Variants in TXNRD3 observed in about 807,000 individuals in gnomAD.
The protein encoded by TXNRD3 is thioredoxin reductase 3, also known as TXNRD3 neighbor gene protein.
A neutral mutation model predicts 78.2 loss-of-function variants in TXNRD3; 68 were observed. The ratio of observed to expected loss-of-function variants is 0.87; its 90% CI spans 0.72 to 1.06. The LOEUF (loss-of-function observed/expected upper bound fraction) is 1.06, where lower values mean the gene tolerates loss of function less well. Among genes scored for constraint, TXNRD3 ranks in the 50% least tolerant of loss-of-function variants. The probability of loss-of-function intolerance (pLI) is 0.00; values close to 1 mark genes in which losing one functional copy is unlikely to be tolerated. For missense variants in TXNRD3, 751 were observed against 809.5 expected (o/e 0.93, Z 0.88); for synonymous variants, 296 against 300.1 (o/e 0.99, Z 0.14).
At position 126,654,776 on chromosome 3, in the gene TXNRD3, C is replaced by T. The variant is rs570365529; in HGVS notation, c.215G>A (p.Ser72Asn). 200 of 1,427,522 alleles carry T rather than the reference C, an allele frequency of 1.4e-4. No individual in the cohort carries two copies. In the African/African-American group the frequency reaches 2.6e-3, roughly 19 times the overall value. 88.4% of individuals were successfully genotyped at this position (1,427,522 alleles called of 1,614,324 possible). The change falls in exon 1 of 16, where the codon AGC (serine) becomes AAC (asparagine). Residue 72 changes from serine to asparagine, a missense_variant. Ser to Asn is a conservative substitution (Grantham distance 46, BLOSUM62 1). Transcript: ENST00000524230. Reference sequence around the variant, plus strand: ...AGTACTATGGGGACAGTAGCTCTTGCTGAAGATCACCACCCGGCTGCGCTC... The same window carrying T: ...AGTACTATGGGGACAGTAGCTCTTGTTGAAGATCACCACCCGGCTGCGCTC...
chr3:126,629,869 G>A (rs997551368), intron 9 of TXNRD3, among the ~76,000 whole-genome samples: 6 of 152,226 alleles, frequency 3.9e-5, no homozygotes, highest in African/African-American at 9.6e-5. Context: ...AGGAATTCAA[G>A]TGGCAATTTC....
At position 126,633,946 on chromosome 3, in the gene TXNRD3, T is replaced by G; in HGVS notation, c.818A>C (p.Asn273Thr). ...ATGTTCAACAAATTCTCCATAGGAA[T>G]TGACATAGGCCACAGCCTTTTCCCT... The change falls in exon 7 of 16, where the codon AAT becomes ACT. Residue 273 changes from asparagine to threonine, a missense_variant. Transcript: ENST00000524230. The G allele has an allele frequency of 6.6e-7, 1 of 1,514,986 alleles. No homozygotes were observed. The highest frequency in any genetic ancestry group is 1.3e-5 in the South Asian group (1 of 79,836). 93.8% of individuals were successfully genotyped at this position (1,514,986 alleles called of 1,614,324 possible).
chr3:126,614,569 C>T (rs1378054034), intron 13 of TXNRD3, among the ~76,000 whole-genome samples: 1 of 152,148 alleles, frequency 6.6e-6, no homozygotes, highest in Non-Finnish European at 1.5e-5. Flanking sequence ...ATAATGTTCT[C>T]TAAAATGTAA....
intron 3 of TXNRD3, 81 bp downstream of exon 3, chr3:126,646,030 T>G: frequency 8.6e-7 from 1 of 1,161,158 alleles, no homozygotes; most frequent in Non-Finnish European, 1.2e-6. Context: ...AGTGGACTCC[T>G]AAAAACCATT....
chr3:126,638,332 T>G (rs554690326), intron 6 of TXNRD3, among the ~76,000 whole-genome samples: 2 of 152,294 alleles, frequency 1.3e-5, no homozygotes, highest in East Asian at 3.9e-4. Flanking sequence ...CTTCCTCTCT[T>G]TTGCTGCTCA....
intron 6 of TXNRD3, among the ~76,000 whole-genome samples, chr3:126,640,866 T>G: frequency 7.8e-6 from 1 of 128,970 alleles, no homozygotes; most frequent in Non-Finnish European, 1.7e-5. Context: ...GTAACTTGTG[T>G]AAAAAAAAAA....
chr3:126,655,039 C>T lies in TXNRD3; in HGVS notation c.-49G>A. 1.5e-6 allele frequency: 2 copies of T among 1,290,360 alleles called. No homozygotes were observed. Among genetic ancestry groups the T allele is most frequent in the African/African-American group, 1.6e-5 (1 of 64,306 alleles). 79.9% of individuals were successfully genotyped at this position (1,290,360 alleles called of 1,614,324 possible). On this transcript the variant is annotated 5_prime_UTR_variant, in exon 1 of 16. Transcript: ENST00000524230. ...GGCCGGGCCTGCTCACAAACCGAAACGCAGGCGGCTGCGGCGCCGGGACGG... is the reference window on the plus strand; with the variant it reads ...GGCCGGGCCTGCTCACAAACCGAAATGCAGGCGGCTGCGGCGCCGGGACGG...
intron 14 of TXNRD3, 78 bp downstream of exon 14, chr3:126,610,959 A>T (rs1327841075): frequency 1.2e-5 from 12 of 977,348 alleles, no homozygotes; most frequent in Non-Finnish European, 1.7e-5. Context: ...AAAAAAAAAA[A>T]TTATAGAAAT....
At chr3:126,650,063 A>C (rs542153524) in intron 1 of TXNRD3, among the ~76,000 whole-genome samples, 2 of 152,360 alleles carry the variant, frequency 1.3e-5, no homozygotes, top group African/African-American at 4.8e-5. Flanking sequence ...TGGAAATATA[A>C]ATTTGTAATT....
chr3:126,622,965 T>G (rs906707275), intron 10 of TXNRD3, among the ~76,000 whole-genome samples: 1 of 152,068 alleles, frequency 6.6e-6, no homozygotes, highest in Non-Finnish European at 1.5e-5. Flanking sequence ...AAGACAGTCA[T>G]GTACAAGCCT....
intron 1 of TXNRD3, among the ~76,000 whole-genome samples, chr3:126,653,502 T>C (rs566321258): frequency 6.6e-6 from 1 of 152,224 alleles, no homozygotes; most frequent in Non-Finnish European, 1.5e-5. Flanking sequence ...AATCAAACCA[T>C]AATGGAATGC....
chr3:126,624,857 T>C, intron 10 of TXNRD3: 1 of 213,278 alleles, frequency 4.7e-6, no homozygotes, highest in Non-Finnish European at 1.0e-5. Context: ...ATAAAGTGGC[T>C]GCAGATCTAG....
At chr3:126,625,634 T>C (rs1192962834) in intron 10 of TXNRD3, among the ~76,000 whole-genome samples, 1 of 152,176 alleles carries the variant, frequency 6.6e-6, no homozygotes, top group Non-Finnish European at 1.5e-5. Context: ...TGTGTCTTTA[T>C]AGCAACATTA....
At chr3:126,635,026 T>C (rs2107620914) in intron 6 of TXNRD3, among the ~76,000 whole-genome samples, 1 of 152,272 alleles carries the variant, frequency 6.6e-6, no homozygotes, top group South Asian at 2.1e-4. Flanking sequence ...AGAATAGTCG[T>C]TCTTCTTACT....
chr3:126,608,002 AT>A, intron 15 of TXNRD3, 29 bp from the exon 16 acceptor site: 1 of 1,431,458 alleles, frequency 7.0e-7, no homozygotes, highest in Admixed American at 2.1e-5. Context: ...ACAAATACAT[AT>A]TTAGATGTTA....
intron 2 of TXNRD3, among the ~76,000 whole-genome samples, chr3:126,646,744 G>T (rs1933243302): frequency 6.6e-6 from 1 of 152,136 alleles, no homozygotes; most frequent in African/African-American, 2.4e-5. Context: ...TTCTATGAAG[G>T]CAGAAATCAA....
At chr3:126,646,561 CAATTACATTTGAAA>C (rs1269122194) in intron 2 of TXNRD3, among the ~76,000 whole-genome samples, 3 of 152,168 alleles carry the variant, frequency 2.0e-5, no homozygotes, top group Admixed American at 2.0e-4. Context: ...ATACTTCTTA[CAATTACATTTGAAA>C]AATGTTTATG....
intron 12 of TXNRD3, among the ~76,000 whole-genome samples, chr3:126,620,345 T>G (rs902093124): frequency 6.8e-6 from 1 of 147,386 alleles, no homozygotes; most frequent in Non-Finnish European, 1.5e-5. Context: ...AAGGAACAAC[T>G]GGGGAAATTG....
intron 1 of TXNRD3, among the ~76,000 whole-genome samples, chr3:126,650,555 C>T (rs1366647370): frequency 6.6e-6 from 1 of 151,888 alleles, no homozygotes; most frequent in Non-Finnish European, 1.5e-5. Flanking sequence ...GTGGGAGGAT[C>T]ACTTGAGACT....
Sources: gnomAD v4.1 joint callset for allele counts (sites outside exome capture counted in the v4.1 genomes callset) on GRCh38, gnomAD v4.1.1 for gene constraint, MANE v1.5 for transcripts, NCBI Gene and HGNC (gene_info 2026-07-23, HGNC 2026-07-21) for gene names.